DNAH5: variants seen among roughly 807,000 people sequenced by gnomAD.
The protein encoded by DNAH5 is axonemal beta dynein heavy chain 5.
A neutral mutation model predicts 518.2 loss-of-function variants in DNAH5; 372 were observed. The observed-to-expected ratio is 0.72, with a 90% CI of 0.66 to 0.78. The LOEUF (loss-of-function observed/expected upper bound fraction) is 0.78. Among genes scored for constraint, DNAH5 ranks in the 30% least tolerant of loss-of-function variants. The probability of loss-of-function intolerance (pLI) is 0.00; values close to 1 mark genes in which losing one functional copy is unlikely to be tolerated. For missense variants in DNAH5, 5,523 were observed against 5,687.0 expected (o/e 0.97, Z 0.93); for synonymous variants, 2,039 against 2,025.9 (o/e 1.01, Z -0.17).
intron 72 of DNAH5, among the ~76,000 whole-genome samples, chr5:13,718,245 A>G (rs1293505612): frequency 2.0e-5 from 3 of 152,222 alleles, no homozygotes; most frequent in Admixed American, 6.5e-5. Flanking sequence ...CCTATTTTAT[A>G]TATGAGAAAA....
At position 13,793,703 on chromosome 5, in the gene DNAH5, A is replaced by T. The variant is rs1424415934; in HGVS notation, c.8036T>A (p.Leu2679Gln). Reference sequence around the variant, plus strand: ...ATTATAGAATCCATTTTGTTCCATCAGCTGTCGCACTATCTCATTCGTAAC... The same window carrying T: ...ATTATAGAATCCATTTTGTTCCATCTGCTGTCGCACTATCTCATTCGTAAC... ...DQVTNEIVRQ[L>Q]MEQNGFYNLE... Residue 2679 changes from leucine (L) to glutamine (Q), a missense_variant, in exon 49 of 79, where the codon CTG becomes CAG. Transcript: ENST00000265104. 1.8e-5 allele frequency: 29 copies of T among 1,614,166 alleles called. No individual in the cohort carries two copies. Among genetic ancestry groups the T allele is most frequent in the Non-Finnish European group, 2.4e-5 (28 of 1,180,042 alleles).
rs1386708737 is a variant in DNAH5, at chr5:13,701,324, C to A, written c.13451G>T (p.Gly4484Val). ...NGRPHCFWMT[G>V]FFNPQGFLTA... Reference sequence around the variant, plus strand: ...TAAAAATCCCTGGGGGTTAAAAAAACCCGTCATCCAAAAGCAGTGAGGTCG... The same window carrying A: ...TAAAAATCCCTGGGGGTTAAAAAAAACCGTCATCCAAAAGCAGTGAGGTCG... Residue 4484 changes from glycine (G) to valine (V), a missense_variant, in exon 77 of 79, where the codon GGT (glycine) becomes GTT (valine). Around this residue, in one of 3 missense-constraint regions of DNAH5, gnomAD observed 387 missense variants for 430.0 expected, o/e 0.90. Coordinates refer to ENST00000265104, the MANE Select transcript of DNAH5 (RefSeq NM_001369.3). The A allele has an allele frequency of 6.2e-7, 1 of 1,613,858 alleles. No homozygotes were observed. The highest frequency in any genetic ancestry group is 1.3e-5 in the African/African-American group (1 of 74,866).
chr5:13,839,588 T>C, intron 34 of DNAH5, 60 bp from the exon 35 acceptor site: 1 of 1,359,120 alleles, frequency 7.4e-7, no homozygotes, highest in Non-Finnish European at 1.1e-6. Context: ...AATATACACG[T>C]TATTAGCATT....
At chr5:13,913,988 AG>A (rs1162771498) in intron 10 of DNAH5, 30 bp from the exon 11 acceptor site, 2 of 1,606,622 alleles carry the variant, frequency 1.2e-6, no homozygotes, top group Non-Finnish European at 1.7e-6. Flanking sequence ...TATACAACAA[AG>A]GGAACAAGAA....
At position 13,735,851 on chromosome 5, in the gene DNAH5, T is replaced by G. The variant is rs775642568; in HGVS notation, c.11537A>C (p.Gln3846Pro). Residue 3846 changes from glutamine (Q) to proline (P), a missense_variant, in exon 67 of 79, where the codon CAG (glutamine) becomes CCG (proline). Physicochemically the swap from Gln to Pro is moderately conservative, Grantham distance 76 (BLOSUM62 -1). Around this residue, in one of 3 missense-constraint regions of DNAH5, gnomAD observed 5,121 missense variants for 5,223.3 expected, o/e 0.98. Coordinates refer to ENST00000265104, the MANE Select transcript of DNAH5 (RefSeq NM_001369.3). The stretch of plus-strand genomic sequence containing the variant: ...GGAAAGGTCAAATAAGCCCAGAAAC[T>G]GGCGAAGCGAAGTCTGATACATCTC... Reference protein sequence around the residue: ...VNEMYQTSLRQFLGLFDLSLA... With the variant: ...VNEMYQTSLRPFLGLFDLSLA... The G allele has an allele frequency of 6.2e-7, 1 of 1,614,164 alleles. No individual in the cohort carries two copies. Among genetic ancestry groups the G allele is most frequent in the Middle Eastern group, 1.6e-4 (1 of 6,062 alleles).
chr5:13,976,687 G>A (rs1343509697), intron 1 of DNAH5, among the ~76,000 whole-genome samples: 7 of 121,282 alleles, frequency 5.8e-5, no homozygotes, highest in East Asian at 6.3e-4. Context: ...ATGTGTGTGT[G>A]TGTATATATA....
intron 12 of DNAH5, among the ~76,000 whole-genome samples, chr5:13,910,515 C>T (rs1238142481): frequency 1.3e-5 from 2 of 152,122 alleles, no homozygotes; most frequent in African/African-American, 4.8e-5. Flanking sequence ...AAATCAAAAA[C>T]CCTGGGAAAG....
At position 13,901,530 on chromosome 5, in the gene DNAH5, T is replaced by C. The variant is rs1774626944; in HGVS notation, c.1774A>G (p.Ile592Val). Residue 592 changes from isoleucine (I) to valine (V), a missense_variant, in exon 14 of 79, where the codon ATC becomes GTC. By Grantham distance (29) the Ile-to-Val change is conservative. Transcript: ENST00000265104. ...NLGIDDKYQLILENYGADIDM... is the reference protein window; with the variant it reads ...NLGIDDKYQLVLENYGADIDM... ...ATGTCAGCCCCATAGTTCTCAAGGA[T>C]AAGTTGATATTTGTCATCAATACCA... 6.2e-7 allele frequency: 1 copy of C among 1,613,642 alleles called. No homozygotes were observed.
chr5:13,817,578 G>T lies in DNAH5; in HGVS notation c.6958C>A (p.Leu2320Ile). The T allele has an allele frequency of 6.2e-7, 1 of 1,614,134 alleles. No homozygotes were observed. Among genetic ancestry groups the T allele is most frequent in the Non-Finnish European group, 8.5e-7 (1 of 1,180,000 alleles). ...NDWTDGIFST[L>I]WRKTLRAKKG... ...TTTGCTCTTAATGTTTTCCTCCAAA[G>T]CGTAGAAAATATCCCATCAGTCCAG... Residue 2320 changes from leucine (L) to isoleucine (I), a missense_variant, in exon 42 of 79, where the codon CTT (leucine) becomes ATT (isoleucine). Around this residue, in one of 3 missense-constraint regions of DNAH5, gnomAD observed 5,121 missense variants for 5,223.3 expected, o/e 0.98. Coordinates refer to ENST00000265104, the MANE Select transcript of DNAH5 (RefSeq NM_001369.3).
chr5:13,752,356 T>C, intron 63 of DNAH5, 67 bp from the exon 64 acceptor site: 1 of 1,551,462 alleles, frequency 6.4e-7, no homozygotes, highest in Non-Finnish European at 8.9e-7. Flanking sequence ...GGGATAACTG[T>C]TTTCAAATGA....
chr5:13,868,134 G>T (rs894528924), intron 24 of DNAH5, 142 bp from the exon 25 acceptor site: 14 of 735,568 alleles, frequency 1.9e-5, no homozygotes, highest in Admixed American at 1.1e-4. Context: ...ACTTCAAACC[G>T]CAAGAGGTTA....
intron 38 of DNAH5, among the ~76,000 whole-genome samples, chr5:13,828,813 G>A (rs758841395): frequency 1.3e-5 from 2 of 152,106 alleles, no homozygotes; most frequent in South Asian, 2.1e-4. Context: ...GTCCCCATTC[G>A]AGCATCAGAT....
chr5:13,995,417 T>C (rs907789894), intron 1 of DNAH5, among the ~76,000 whole-genome samples: 24 of 152,304 alleles, frequency 1.6e-4, no homozygotes, highest in South Asian at 8.3e-4. Context: ...CGAGCTTCCA[T>C]GTCACCAGGG....
chr5:13,871,479 A>T, intron 23 of DNAH5, 85 bp downstream of exon 23: 1 of 1,204,084 alleles, frequency 8.3e-7, no homozygotes, highest in Non-Finnish European at 1.2e-6. Flanking sequence ...TAAGACAGGT[A>T]GAACTCTCTG....
intron 1 of DNAH5, among the ~76,000 whole-genome samples, chr5:13,936,885 T>G (rs1385327626): frequency 6.6e-6 from 1 of 152,182 alleles, no homozygotes; most frequent in East Asian, 1.9e-4. Context: ...CTATTGGGTC[T>G]GAGAGTTCTT....
At position 13,882,961 on chromosome 5, in the gene DNAH5, C is replaced by T. The variant is rs770452474; in HGVS notation, c.3117G>A (p.Glu1039=). 5.0e-6 allele frequency: 8 copies of T among 1,614,166 alleles called. No individual in the cohort carries two copies. The highest frequency in any genetic ancestry group is 6.8e-6 in the Non-Finnish European group (8 of 1,180,018). Residue 1039 remains glutamate (E), a synonymous_variant, in exon 20 of 79, where the codon GAG becomes GAA. Transcript: ENST00000265104. ...DVQQTLNKAV[E]CIISVPKGVR... ...CCCCCTTAGGGACACTGATGATGCA[C>T]TCCACGGCTTTGTTCAGGGTCTGCT...
chr5:13,753,541 G>A lies in DNAH5; in HGVS notation c.10564C>T (p.Leu3522=). ...TAAGATAGAAAAGCTGTAGCCAACA[G>A]TACATCCCCTAAAATAGAAAACAAA... ...AQTKRLVGDV[L]LATAFLSYSG... The change falls in exon 63 of 79, where the codon CTG becomes TTG. Residue 3522 remains leucine, a synonymous_variant. Transcript: ENST00000265104. 6.2e-7 allele frequency: 1 copy of A among 1,613,008 alleles called. No homozygotes were observed. The highest frequency in any genetic ancestry group is 8.5e-7 in the Non-Finnish European group (1 of 1,179,404).
chr5:13,717,568 T>C, intron 72 of DNAH5, 48 bp from the exon 73 acceptor site: 1 of 1,388,214 alleles, frequency 7.2e-7, no homozygotes, highest in South Asian at 1.2e-5. Context: ...CAAATGTCTT[T>C]ATTTTCTACT....
intron 45 of DNAH5, among the ~76,000 whole-genome samples, chr5:13,809,604 C>T (rs1368851516): frequency 6.6e-6 from 1 of 152,106 alleles, no homozygotes; most frequent in Non-Finnish European, 1.5e-5. Context: ...TATACACCCA[C>T]ATATATGTAC....
Sources: allele counts gnomAD v4.1 joint callset (sites outside exome capture counted in the v4.1 genomes callset), GRCh38; gene constraint gnomAD v4.1.1; regional missense constraint gnomAD v4.1.1; transcripts MANE v1.5; gene names NCBI Gene and HGNC (gene_info 2026-07-23, HGNC 2026-07-21).